UNC5D: variants seen among roughly 807,000 people sequenced by gnomAD.
UNC5D encodes the protein unc-5 netrin receptor D.
UNC5D carries 39 observed loss-of-function variants against 105.4 expected under a neutral mutation model. The observed-to-expected ratio is 0.37, with a 90% CI of 0.29 to 0.48. The LOEUF is 0.48. UNC5D is among the 20% of genes least tolerant of loss of function. The pLI is 0.98. For synonymous variants in UNC5D, 452 were observed against 450.4 expected, an observed-to-expected ratio of 1.00 and a Z score of -0.04; for missense variants, 991 against 1,202.4, an observed-to-expected ratio of 0.82 and a Z score of 2.60.
chr8:35,769,447 T>A (rs1801913051), intron 15 of UNC5D, among the ~76,000 whole-genome samples: 1 of 152,286 alleles, frequency 6.6e-6, no homozygotes, highest in Non-Finnish European at 1.5e-5. Flanking sequence ...TTCCAGTACC[T>A]GAAAGTATAT....
intron 8 of UNC5D, among the ~76,000 whole-genome samples, chr8:35,720,953 AC>A (rs1213203602): frequency 2.0e-5 from 3 of 151,680 alleles, no homozygotes; most frequent in Non-Finnish European, 4.4e-5. Flanking sequence ...ATTTGGTAGC[AC>A]CCTATTTTAC....
chr8:35,635,019 G>A (rs1563615226), intron 4 of UNC5D, among the ~76,000 whole-genome samples: 1 of 152,094 alleles, frequency 6.6e-6, no homozygotes, highest in Non-Finnish European at 1.5e-5. Flanking sequence ...ACCCGCCTTG[G>A]CCTCCCAAAG....
At chr8:35,370,315 G>A (rs1802358867) in intron 1 of UNC5D, among the ~76,000 whole-genome samples, 1 of 152,210 alleles carries the variant, frequency 6.6e-6, no homozygotes, top group Admixed American at 6.5e-5. Context: ...AATATAGTTT[G>A]TAGTAACAGA....
chr8:35,676,967 A>C (rs1825276570), intron 4 of UNC5D, among the ~76,000 whole-genome samples: 1 of 152,158 alleles, frequency 6.6e-6, no homozygotes, highest in South Asian at 2.1e-4. Flanking sequence ...GAATCAAAAA[A>C]TATTACATTG....
At chr8:35,455,673 A>C (rs551569649) in intron 1 of UNC5D, among the ~76,000 whole-genome samples, 3 of 152,166 alleles carry the variant, frequency 2.0e-5, no homozygotes, top group East Asian at 3.9e-4. Context: ...CTATTAAAAA[A>C]AAAAACAAAA....
intron 1 of UNC5D, among the ~76,000 whole-genome samples, chr8:35,413,005 G>A (rs1805275004): frequency 6.6e-6 from 1 of 152,150 alleles, no homozygotes. Context: ...AAATGTCCTG[G>A]TTCTATTGAA....
intron 1 of UNC5D, among the ~76,000 whole-genome samples, chr8:35,435,769 T>C (rs544466003): frequency 6.6e-6 from 1 of 152,180 alleles, no homozygotes; most frequent in East Asian, 1.9e-4. Flanking sequence ...TATGGAATCA[T>C]TGACATGGAA....
chr8:35,512,531 ATATG>A (rs1216976020), intron 1 of UNC5D, among the ~76,000 whole-genome samples: 3 of 72,922 alleles, frequency 4.1e-5, no homozygotes, highest in African/African-American at 1.8e-4. Context: ...ATATATTCAG[ATATG>A]TATGTATATA....
intron 1 of UNC5D, among the ~76,000 whole-genome samples, chr8:35,272,299 G>A (rs570408654): frequency 2.9e-4 from 44 of 152,194 alleles, no homozygotes; most frequent in Middle Eastern, 3.4e-3. Flanking sequence ...TTAAATGACC[G>A]TCCTTGGTTG....
At chr8:35,297,623 A>G (rs376868781) in intron 1 of UNC5D, among the ~76,000 whole-genome samples, 1 of 152,082 alleles carries the variant, frequency 6.6e-6, no homozygotes, top group Non-Finnish European at 1.5e-5. Context: ...TTTCTTTGCT[A>G]CCTGTAATCT....
At chr8:35,640,364 C>T (rs1431084150) in intron 4 of UNC5D, among the ~76,000 whole-genome samples, 1 of 152,070 alleles carries the variant, frequency 6.6e-6, no homozygotes, top group African/African-American at 2.4e-5. Context: ...AAGTAAACAG[C>T]CCTTCAAGAA....
intron 1 of UNC5D, among the ~76,000 whole-genome samples, chr8:35,503,211 C>T (rs912311560): frequency 6.6e-6 from 1 of 152,120 alleles, no homozygotes; most frequent in Admixed American, 6.5e-5. Flanking sequence ...CCAGAGATCA[C>T]ATAGTCGGTG....
At chr8:35,417,519 T>TTGA (rs1308762343) in intron 1 of UNC5D, among the ~76,000 whole-genome samples, 1 of 151,772 alleles carries the variant, frequency 6.6e-6, no homozygotes, top group Non-Finnish European at 1.5e-5. Context: ...ACAGAGCCAT[T>TTGA]TGAAAAAAGT....
At chr8:35,368,063 G>T (rs147929683) in intron 1 of UNC5D, among the ~76,000 whole-genome samples, 1 of 152,110 alleles carries the variant, frequency 6.6e-6, no homozygotes, top group Non-Finnish European at 1.5e-5. Context: ...AAGCAAAACA[G>T]GTCAAATTAT....
chr8:35,728,095 A>AATATATATATATATATATATAT (rs1554596595), intron 10 of UNC5D, among the ~76,000 whole-genome samples: 12 of 110,348 alleles, frequency 1.1e-4, no homozygotes, highest in African/African-American at 6.0e-4. Context: ...AAAAAAAAAA[A>AATATATATATATATATATATAT]ATATATATAT....
chr8:35,567,417 C>A (rs184453542), intron 2 of UNC5D, among the ~76,000 whole-genome samples: 2 of 152,156 alleles, frequency 1.3e-5, no homozygotes, highest in Admixed American at 1.3e-4. Context: ...CATTTGGGGA[C>A]GCCAAGATGG....
rs541561722 is a variant in UNC5D, at chr8:35,451,935, T to A, written c.104-97357T>A. Reference sequence around the variant, plus strand: ...GTAGATCTTTCTTTTCTGAAGCCCCTAACACTTCCTCTGAAGTCCCTTTCT... The same window carrying A: ...GTAGATCTTTCTTTTCTGAAGCCCCAAACACTTCCTCTGAAGTCCCTTTCT... On this transcript the variant is annotated intron_variant, in intron 1 of 16. Coordinates refer to ENST00000404895, the MANE Select transcript of UNC5D (RefSeq NM_080872.4). Among the ~76,000 whole-genome samples, 74 of 152,298 alleles carry A rather than the reference T, an allele frequency of 4.9e-4. 1 individual carries two copies. Among genetic ancestry groups the A allele is most frequent in the South Asian group, 2.1e-3 (10 of 4,826 alleles).
chr8:35,600,494 T>C (rs536774581), intron 4 of UNC5D, among the ~76,000 whole-genome samples: 1 of 152,334 alleles, frequency 6.6e-6, no homozygotes, highest in African/African-American at 2.4e-5. Flanking sequence ...TGATTGCCAT[T>C]CTAACTGGCG....
chr8:35,669,765 A>G (rs1824657745), intron 4 of UNC5D, among the ~76,000 whole-genome samples: 1 of 152,154 alleles, frequency 6.6e-6, no homozygotes, highest in South Asian at 2.1e-4. Flanking sequence ...TAAGTTTCAA[A>G]TATTTTAATG....
Sources: allele counts gnomAD v4.1 joint callset (sites outside exome capture counted in the v4.1 genomes callset), GRCh38; gene constraint gnomAD v4.1.1; transcripts MANE v1.5; gene names NCBI Gene and HGNC (gene_info 2026-07-23, HGNC 2026-07-21).